GARS1: variants seen among roughly 807,000 people sequenced by gnomAD.
GARS1 encodes glycine--tRNA ligase.
In GARS1, 46 loss-of-function variants were observed where a neutral mutation model predicts 86.4. That is an observed-to-expected ratio of 0.53 (90% CI 0.42 to 0.68). GARS1 has a LOEUF of 0.68. Among genes scored for constraint, GARS1 ranks in the 30% least tolerant of loss-of-function variants. The probability of loss-of-function intolerance (pLI) is 0.00; values close to 1 mark genes in which losing one functional copy is unlikely to be tolerated. For synonymous variants in GARS1, 342 were observed against 329.8 expected, an observed-to-expected ratio of 1.04 and a Z score of -0.40; for missense variants, 797 against 915.6, an observed-to-expected ratio of 0.87 and a Z score of 1.67.
chr7:30,614,501 T>C (rs1168656203), intron 8 of GARS1, among the ~76,000 whole-genome samples: 1 of 152,206 alleles, frequency 6.6e-6, no homozygotes, highest in Non-Finnish European at 1.5e-5. Context: ...ACAGAAGATG[T>C]TTCCTAGTTG....
At chr7:30,610,754 T>C (rs1791583033) in intron 7 of GARS1, among the ~76,000 whole-genome samples, 1 of 152,164 alleles carries the variant, frequency 6.6e-6, no homozygotes, top group African/African-American at 2.4e-5. Context: ...AAATTGAAAG[T>C]AGAAATAACC....
In GARS1 at chr7:30,617,127, A is replaced by G. The variant is rs1000458033; in HGVS notation, c.1208A>G (p.Asn403Ser). The G allele has an allele frequency of 2.5e-6, 4 of 1,614,110 alleles. No homozygotes were observed. The highest frequency in any genetic ancestry group is 3.4e-6 in the Non-Finnish European group (4 of 1,180,000). ...GDAVEQGVINNTVLGYFIGRI... is the reference protein window; with the variant it reads ...GDAVEQGVINSTVLGYFIGRI... ...TGGTTGGTTTAGGGTGTGATTAATA[A>G]CACAGTATTAGGCTATTTCATTGGC... Residue 403 changes from asparagine (N) to serine (S), a missense_variant, in exon 10 of 17, where the codon AAC (asparagine) becomes AGC (serine). This residue lies in a region of GARS1 where 598 missense variants were observed against 738.7 expected (regional missense o/e 0.81). Coordinates refer to ENST00000389266, the MANE Select transcript of GARS1 (RefSeq NM_002047.4).
chr7:30,598,652 G>A (rs1791311083), intron 1 of GARS1, 144 bp from the exon 2 acceptor site: 1 of 694,638 alleles, frequency 1.4e-6, no homozygotes, highest in Non-Finnish European at 2.6e-6. Context: ...TCAAAGTGCT[G>A]GTATTACAGG....
chr7:30,627,043 A>G (rs953616902), intron 13 of GARS1: 6 of 466,830 alleles, frequency 1.3e-5, no homozygotes, highest in African/African-American at 6.0e-5. Flanking sequence ...AGTTAAGAAG[A>G]TGTTTTTTTG....
intron 4 of GARS1, 82 bp downstream of exon 4, chr7:30,601,282 C>A: frequency 8.2e-7 from 1 of 1,226,218 alleles, no homozygotes; most frequent in Non-Finnish European, 1.1e-6. Context: ...ATCTAAATAA[C>A]TTCCTGATTA....
rs534376252 is a variant in GARS1, at chr7:30,597,176, A to AT, written c.223-1611dup. On this transcript the variant is annotated intron_variant, in intron 1 of 16. Transcript: ENST00000389266. ...TGAGTGGTGATATTAACAAACGTGG[A>AT]TTTTTTTTTGATAGTATTTGGATAA... is the stretch of plus-strand genomic sequence containing the variant. Among the ~76,000 whole-genome samples, 242 of 151,888 alleles carry AT rather than the reference A, an allele frequency of 1.6e-3. 2 individuals carry two copies. The highest frequency in any genetic ancestry group is 6.9e-3 in the South Asian group (33 of 4,804).
At chr7:30,602,025 G>A (rs1049041014) in intron 4 of GARS1, among the ~76,000 whole-genome samples, 4 of 150,768 alleles carry the variant, frequency 2.7e-5, no homozygotes, top group Admixed American at 6.6e-5. Context: ...CTCGTGATCC[G>A]CCCGCCTCGG....
intron 1 of GARS1, among the ~76,000 whole-genome samples, chr7:30,596,945 T>C (rs1199490636): frequency 6.6e-6 from 1 of 152,256 alleles, no homozygotes; most frequent in Non-Finnish European, 1.5e-5. Flanking sequence ...ACTTAATGAC[T>C]GGTCTTGTTA....
rs562977645 is a variant in GARS1, at chr7:30,599,029, C to T, written c.324+132C>T. ...TGGTTTATCTGTTTATCCATAATGC[C>T]GCCTTCTCCTTTCCCTCTACCTGGT... On this transcript the variant is annotated intron_variant, in intron 2 of 16. Transcript: ENST00000389266. The T allele has an allele frequency of 2.4e-3, 1,746 of 732,252 alleles. 5 individuals carry two copies. The highest frequency in any genetic ancestry group is 3.4e-3 in the Non-Finnish European group (1,409 of 414,994). The allele number at this position is 732,252 out of a possible 1,614,324, so 45.4% of individuals were successfully genotyped here.
At position 30,633,974 on chromosome 7, in the gene GARS1, T is replaced by C; in HGVS notation, c.*114T>C. The stretch of plus-strand genomic sequence containing the variant: ...GTGATTACTCCCAGGGACCGTATTT[T>C]ATCTTCAGTGGCTGCCTGATTTTAC... On this transcript the variant is annotated 3_prime_UTR_variant, in exon 17 of 17. Transcript: ENST00000389266. 1 of 1,290,620 alleles carries C rather than the reference T, an allele frequency of 7.7e-7. No homozygotes were observed. Among genetic ancestry groups the C allele is most frequent in the South Asian group, 1.4e-5 (1 of 73,996 alleles). The allele number at this position is 1,290,620 out of a possible 1,614,324, so 79.9% of individuals were successfully genotyped here.
At chr7:30,626,448 C>T (rs770253126) in intron 13 of GARS1, 129 bp downstream of exon 13, 10 of 673,762 alleles carry the variant, frequency 1.5e-5, no homozygotes, top group Admixed American at 8.6e-5. Flanking sequence ...CCGGCTCAAG[C>T]GTTCCTCCCT....
chr7:30,609,871 T>A, intron 7 of GARS1, 141 bp downstream of exon 7: 1 of 694,646 alleles, frequency 1.4e-6, no homozygotes, highest in East Asian at 2.8e-5. Flanking sequence ...TATGGAGAAA[T>A]AATGGCAGAA....
At chr7:30,594,772 G>C, upstream of GARS1, 1 of 654,420 alleles carries the variant, frequency 1.5e-6, no homozygotes, top group Non-Finnish European at 2.6e-6. Context: ...TCGAATCTGC[G>C]GCGGCGACCC....
At chr7:30,621,126 G>A (rs186141536) in intron 10 of GARS1, among the ~76,000 whole-genome samples, 2 of 148,138 alleles carry the variant, frequency 1.4e-5, no homozygotes, top group African/African-American at 5.0e-5. Context: ...GGCCTCAAGT[G>A]ATCCTTCCAC....
chr7:30,629,982 G>A (rs1034971312), intron 14 of GARS1, among the ~76,000 whole-genome samples: 11 of 152,118 alleles, frequency 7.2e-5, no homozygotes, highest in African/African-American at 2.7e-4. Context: ...TAGAAATTTC[G>A]TAAGGGCTAA....
chr7:30,623,482 G>A (rs1238801960), intron 12 of GARS1, among the ~76,000 whole-genome samples: 1 of 152,008 alleles, frequency 6.6e-6, no homozygotes, highest in Non-Finnish European at 1.5e-5. Context: ...GTCACTGGAT[G>A]GGATTAACAG....
intron 9 of GARS1, among the ~76,000 whole-genome samples, chr7:30,616,393 G>T (rs1294819228): frequency 7.2e-5 from 11 of 152,222 alleles, no homozygotes; most frequent in African/African-American, 2.7e-4. Context: ...CAGAAAGCAA[G>T]CCATCTGGGT....
intron 12 of GARS1, 184 bp downstream of exon 12, chr7:30,622,646 T>A: frequency 1.5e-6 from 1 of 662,258 alleles, no homozygotes; most frequent in Non-Finnish European, 2.6e-6. Flanking sequence ...TGAAATAGAA[T>A]ATACTTTTTT....
intron 6 of GARS1, among the ~76,000 whole-genome samples, chr7:30,607,321 G>A (rs1376857712): frequency 6.6e-6 from 1 of 152,144 alleles, no homozygotes; most frequent in Non-Finnish European, 1.5e-5. Flanking sequence ...TGATAGACTG[G>A]ATTAAGAAAA....
Sources: allele counts gnomAD v4.1 joint callset (sites outside exome capture counted in the v4.1 genomes callset), GRCh38; gene constraint gnomAD v4.1.1; regional missense constraint gnomAD v4.1.1; transcripts MANE v1.5; gene names NCBI Gene and HGNC (gene_info 2026-07-23, HGNC 2026-07-21).